Variants in SLC9A8 observed in about 807,000 individuals in gnomAD.
The protein encoded by SLC9A8 is solute carrier family 9 member A8.
SLC9A8 carries 48 observed loss-of-function variants against 66.6 expected under a neutral mutation model. The observed-to-expected ratio is 0.72, with a 90% CI of 0.57 to 0.92. The LOEUF is 0.92. SLC9A8 is among the 40% of genes least tolerant of loss of function. The pLI, the probability that SLC9A8 is intolerant of heterozygous loss-of-function variation, is 0.00. For synonymous variants in SLC9A8, 274 were observed against 282.6 expected (o/e 0.97, Z 0.31); for missense variants, 599 against 747.3 (o/e 0.80, Z 2.31).
Position 49,891,615 on chromosome 20 carries a change from C to T in SLC9A8, c.*3679C>T, listed in dbSNP as rs1470040634. On this transcript the variant is annotated 3_prime_UTR_variant, in exon 16 of 16. Coordinates refer to ENST00000361573, the MANE Select transcript of SLC9A8 (RefSeq NM_015266.3). Reference sequence around the variant, plus strand: ...CTCTGGTGCCCTTGAGTTGGTCTCCCCGGCTGCTCTGCGGGGGCTTCACTG... The same window carrying T: ...CTCTGGTGCCCTTGAGTTGGTCTCCTCGGCTGCTCTGCGGGGGCTTCACTG... 1 of 152,466 alleles carries T rather than the reference C, an allele frequency of 6.6e-6. No homozygotes were observed. The highest frequency in any genetic ancestry group is 2.4e-5 in the African/African-American group (1 of 41,480). The allele number at this position is 152,466 out of a possible 1,614,324, so 9.4% of individuals were successfully genotyped here.
intron 2 of SLC9A8, among the ~76,000 whole-genome samples, chr20:49,818,957 G>T (rs1371291440): frequency 6.6e-6 from 1 of 152,164 alleles, no homozygotes; most frequent in Non-Finnish European, 1.5e-5. Context: ...TACTCTTTTA[G>T]TTAATTCAAA....
chr20:49,822,843 G>T (rs2086789004), intron 2 of SLC9A8, among the ~76,000 whole-genome samples: 1 of 152,104 alleles, frequency 6.6e-6, no homozygotes, highest in African/African-American at 2.4e-5. Context: ...AACTAGTTCA[G>T]GCAGACAAAG....
chr20:49,867,274 G>T (rs2089013479), intron 10 of SLC9A8, among the ~76,000 whole-genome samples: 1 of 152,084 alleles, frequency 6.6e-6, no homozygotes, highest in Non-Finnish European at 1.5e-5. Flanking sequence ...GTGTGTGTGT[G>T]TTATTTCTGG....
intron 9 of SLC9A8, 151 bp downstream of exon 9, chr20:49,863,218 CACTCTA>C: frequency 1.5e-6 from 1 of 650,046 alleles, no homozygotes. Flanking sequence ...GTTTGAGAAA[CACTCTA>C]ACTCAAGGAT....
intron 3 of SLC9A8, chr20:49,831,026 G>A (rs2087160087): frequency 2.7e-6 from 2 of 736,434 alleles, no homozygotes; most frequent in Admixed American, 3.5e-5. Flanking sequence ...GTACAAAAGA[G>A]CCAAGGCACT....
In SLC9A8 at chr20:49,889,375, A is replaced by T. The variant is rs2089992402; in HGVS notation, c.*1439A>T. On this transcript the variant is annotated 3_prime_UTR_variant, in exon 16 of 16. Coordinates refer to ENST00000361573, the MANE Select transcript of SLC9A8 (RefSeq NM_015266.3). Reference sequence around the variant, plus strand: ...CATGTGCATTCCTGCTTCTCTGGGGACACAGTGGGCCCACATGGGCCAGCA... The same window carrying T: ...CATGTGCATTCCTGCTTCTCTGGGGTCACAGTGGGCCCACATGGGCCAGCA... 1 of 152,118 alleles carries T rather than the reference A, an allele frequency of 6.6e-6. No individual in the cohort carries two copies. The highest frequency in any genetic ancestry group is 1.9e-4 in the East Asian group (1 of 5,180). The allele number at this position is 152,118 out of a possible 1,614,324, so 9.4% of individuals were successfully genotyped here.
At chr20:49,825,570 A>C (rs1199632808) in intron 3 of SLC9A8, among the ~76,000 whole-genome samples, 1 of 152,138 alleles carries the variant, frequency 6.6e-6, no homozygotes, top group Non-Finnish European at 1.5e-5. Context: ...TGAGTCCAGG[A>C]GGCGGAAGTT....
At chr20:49,830,924 C>G in intron 3 of SLC9A8, 1 of 862,374 alleles carries the variant, frequency 1.2e-6, no homozygotes, top group South Asian at 1.3e-5. Flanking sequence ...CTGATTTCTA[C>G]TGAAATACAT....
At chr20:49,826,415 A>G (rs1187308305) in intron 3 of SLC9A8, among the ~76,000 whole-genome samples, 1 of 152,224 alleles carries the variant, frequency 6.6e-6, no homozygotes, top group East Asian at 1.9e-4. Context: ...TCGTTCTTTC[A>G]GGGATAAATT....
At chr20:49,814,527 C>G (rs1372257391) in intron 1 of SLC9A8, among the ~76,000 whole-genome samples, 1 of 152,020 alleles carries the variant, frequency 6.6e-6, no homozygotes, top group Non-Finnish European at 1.5e-5. Context: ...ACATTTGAGC[C>G]GTTTGAAATC....
chr20:49,813,677 T>C (rs1485547795), intron 1 of SLC9A8, among the ~76,000 whole-genome samples: 1 of 152,186 alleles, frequency 6.6e-6, no homozygotes, highest in Non-Finnish European at 1.5e-5. Flanking sequence ...TTAAGTGTTC[T>C]GAAGGAAGCA....
intron 2 of SLC9A8, among the ~76,000 whole-genome samples, chr20:49,820,605 G>A (rs2086700984): frequency 6.6e-6 from 1 of 152,014 alleles, no homozygotes; most frequent in Non-Finnish European, 1.5e-5. Flanking sequence ...AGAGTGCAGT[G>A]GCATGATCTT....
chr20:49,838,440 A>G (rs1479165117), intron 3 of SLC9A8, among the ~76,000 whole-genome samples: 2 of 152,132 alleles, frequency 1.3e-5, no homozygotes, highest in African/African-American at 2.4e-5. Flanking sequence ...GCTCAGCTTT[A>G]TTTTGTCTTG....
intron 3 of SLC9A8, among the ~76,000 whole-genome samples, chr20:49,837,167 C>T (rs996052950): frequency 3.3e-5 from 5 of 152,188 alleles, no homozygotes; most frequent in South Asian, 2.1e-4. Context: ...TATCTGTGAC[C>T]TGGAAGCCCC....
chr20:49,836,419 C>T (rs374682069), intron 3 of SLC9A8, among the ~76,000 whole-genome samples: 3 of 152,122 alleles, frequency 2.0e-5, no homozygotes, highest in African/African-American at 7.2e-5. Context: ...CTGCAACCGC[C>T]GCCTCCCAGG....
At chr20:49,841,579 T>G (rs2087763177) in intron 4 of SLC9A8, among the ~76,000 whole-genome samples, 1 of 150,980 alleles carries the variant, frequency 6.6e-6, no homozygotes, top group Admixed American at 6.6e-5. Context: ...TATATATAAA[T>G]TATTTATTTA....
At chr20:49,873,830 C>G (rs1349585970) in intron 10 of SLC9A8, among the ~76,000 whole-genome samples, 1 of 150,224 alleles carries the variant, frequency 6.7e-6, no homozygotes, top group African/African-American at 2.4e-5. Context: ...GATTCTTAGG[C>G]TCCTTTCTGC....
Position 49,832,156 on chromosome 20 carries a change from C to A in SLC9A8, c.290-7385C>A, listed in dbSNP as rs141782824. On this transcript the variant is annotated intron_variant, in intron 3 of 15. Transcript: ENST00000361573. ...CACTGCTCTCTGTCCTCCCTTCTCC[C>A]CACCTTCCTCTCATGGAGACAGTAT... Among the ~76,000 whole-genome samples the A allele has an allele frequency of 3.1e-4, 47 of 152,314 alleles. 1 individual carries two copies. The highest frequency in any genetic ancestry group is 1.1e-3 in the African/African-American group (44 of 41,570).
intron 2 of SLC9A8, 147 bp from the exon 3 acceptor site, chr20:49,822,913 CG>C (rs2086791890): frequency 6.2e-6 from 4 of 647,204 alleles, no homozygotes; most frequent in Non-Finnish European, 1.1e-5. Context: ...AAATGAGACA[CG>C]AAAAACACCG....
Sources: allele counts gnomAD v4.1 joint callset (sites outside exome capture counted in the v4.1 genomes callset), GRCh38; gene constraint gnomAD v4.1.1; transcripts MANE v1.5; gene names NCBI Gene and HGNC (gene_info 2026-07-23, HGNC 2026-07-21).